Variants in STAM observed in about 807,000 individuals in gnomAD.
The protein encoded by STAM is signal transducing adaptor molecule, also known as signal transducing adapter molecule 1.
Under a neutral mutation model 63.4 loss-of-function variants are expected in STAM, and 16 were observed. The observed-to-expected ratio is 0.25, with a 90% confidence interval of 0.17 to 0.38. The LOEUF is 0.38. STAM is among the 10% of genes least tolerant of loss of function. STAM has a pLI of 1.00. For synonymous variants in STAM, 238 were observed against 223.9 expected, an observed-to-expected ratio of 1.06 and a Z score of -0.56; for missense variants, 636 against 657.1, an observed-to-expected ratio of 0.97 and a Z score of 0.35.
At chr10:17,673,227 C>T (rs1369854210) in intron 2 of STAM, 1 of 162,368 alleles carries the variant, frequency 6.2e-6, no homozygotes, top group African/African-American at 2.4e-5. Context: ...GTGCGTTTTC[C>T]CCCTCATGGC....
intron 12 of STAM, among the ~76,000 whole-genome samples, chr10:17,706,678 C>T (rs1471430685): frequency 3.9e-5 from 6 of 151,994 alleles, no homozygotes; most frequent in African/African-American, 7.2e-5. Flanking sequence ...CGCGCCCGGC[C>T]GAGGCCCATA....
At chr10:17,706,851 T>C (rs1476140169) in intron 12 of STAM, among the ~76,000 whole-genome samples, 1 of 152,092 alleles carries the variant, frequency 6.6e-6, no homozygotes, top group Non-Finnish European at 1.5e-5. Context: ...CTCTTAAATA[T>C]CTAATGAACT....
chr10:17,673,897 C>G (rs567282945), intron 2 of STAM, among the ~76,000 whole-genome samples: 9 of 152,148 alleles, frequency 5.9e-5, no homozygotes, highest in Non-Finnish European at 1.2e-4. Context: ...ACATTCCAGG[C>G]ACAGCTTGAT....
chr10:17,682,079 A>G (rs1409129017), intron 2 of STAM, among the ~76,000 whole-genome samples: 1 of 152,178 alleles, frequency 6.6e-6, no homozygotes, highest in Non-Finnish European at 1.5e-5. Context: ...TGATAGTTTG[A>G]TGAGTTTTGA....
chr10:17,650,836 T>C (rs1300739596), intron 1 of STAM, among the ~76,000 whole-genome samples: 1 of 151,724 alleles, frequency 6.6e-6, no homozygotes, highest in Non-Finnish European at 1.5e-5. Context: ...GAGGCCGAGG[T>C]GGGCGGATTA....
At position 17,658,122 on chromosome 10, in the gene STAM, T is replaced by G. The variant is rs1834014923; in HGVS notation, c.41-2342T>G. Among the ~76,000 whole-genome samples, 3 of 152,214 alleles carry G rather than the reference T, an allele frequency of 2.0e-5. No individual in the cohort carries two copies. In the South Asian group the frequency reaches 6.2e-4, roughly 31 times the overall value. On this transcript the variant is annotated intron_variant, in intron 1 of 13. Transcript: ENST00000377524. ...ATGCTATAAATTTCCCTCTAACCAC[T>G]GCTTTTGTTGCATCCCACAAATTTT... is the stretch of plus-strand genomic sequence containing the variant.
intron 6 of STAM, among the ~76,000 whole-genome samples, chr10:17,694,430 G>T (rs181567752): frequency 1.3e-5 from 2 of 152,140 alleles, no homozygotes; most frequent in East Asian, 1.9e-4. Flanking sequence ...GAGCAGAAAG[G>T]GTTCTGTGTT....
At chr10:17,675,543 G>C (rs1554824561) in intron 2 of STAM, among the ~76,000 whole-genome samples, 2 of 151,690 alleles carry the variant, frequency 1.3e-5, no homozygotes, top group African/African-American at 4.8e-5. Flanking sequence ...TGAAATTGAT[G>C]GTTTTAAACA....
At chr10:17,658,197 G>T (rs1266725520) in intron 1 of STAM, among the ~76,000 whole-genome samples, 5 of 148,938 alleles carry the variant, frequency 3.4e-5, no homozygotes, top group Admixed American at 3.3e-4. Flanking sequence ...TTTCTTTTAA[G>T]TTTTTTTTTT....
At chr10:17,686,474 T>G in intron 4 of STAM, among the ~76,000 whole-genome samples, 1 of 151,832 alleles carries the variant, frequency 6.6e-6, no homozygotes, top group East Asian at 1.9e-4. Context: ...CCTCCCGGGT[T>G]CAAGTGATTC....
chr10:17,677,714 AAT>A (rs1834912041), intron 2 of STAM, among the ~76,000 whole-genome samples: 2 of 152,212 alleles, frequency 1.3e-5, no homozygotes, highest in Non-Finnish European at 2.9e-5. Context: ...CTTGGCACAT[AAT>A]AGACATTCAG....
rs115217338 is a variant in STAM at position 17,669,340 on chromosome 10, G to T, written c.125+8792G>T. Among the ~76,000 whole-genome samples, 787 of 149,314 alleles carry T rather than the reference G, an allele frequency of 5.3e-3. 13 individuals are homozygous for T. Among genetic ancestry groups the T allele is most frequent in the African/African-American group, 0.019 (762 of 40,886 alleles). ...ATTAATATGTTTTGACATTTGGTAG[G>T]ATATGGTCTTGAGGTTTTTTTTTTT... On this transcript the variant is annotated intron_variant, in intron 2 of 13. Coordinates refer to ENST00000377524, the MANE Select transcript of STAM (RefSeq NM_003473.4).
chr10:17,708,392 T>C (rs1836394995), intron 12 of STAM, among the ~76,000 whole-genome samples: 1 of 152,226 alleles, frequency 6.6e-6, no homozygotes, highest in African/African-American at 2.4e-5. Flanking sequence ...CTTGTATCCA[T>C]TGCAGTCTAT....
chr10:17,668,696 T>C (rs563753545), intron 2 of STAM, among the ~76,000 whole-genome samples: 1 of 152,332 alleles, frequency 6.6e-6, no homozygotes, highest in African/African-American at 2.4e-5. Flanking sequence ...CCAAATGTTG[T>C]GTAATTGGGA....
At chr10:17,650,179 T>C (rs533771597) in intron 1 of STAM, among the ~76,000 whole-genome samples, 20 of 152,346 alleles carry the variant, frequency 1.3e-4, no homozygotes, top group South Asian at 6.2e-4. Context: ...AAGTGTGATA[T>C]GATAGAAAGA....
rs1349408343 is a variant in STAM at position 17,715,478 on chromosome 10, A to T, written c.*698A>T. 2 of 151,954 alleles carry T rather than the reference A, an allele frequency of 1.3e-5. No individual in the cohort carries two copies. Among genetic ancestry groups the T allele is most frequent in the Non-Finnish European group, 2.9e-5 (2 of 67,918 alleles). The allele number at this position is 151,954 out of a possible 1,614,324, so 9.4% of individuals were successfully genotyped here. On this transcript the variant is annotated 3_prime_UTR_variant, in exon 14 of 14. Coordinates refer to ENST00000377524, the MANE Select transcript of STAM (RefSeq NM_003473.4). ...ACTGGCTGTCATCACACCAGCGTAC[A>T]GTAGCTAAATTTTTGGTGCAATTAT...
chr10:17,701,650 C>A (rs1836002491), intron 9 of STAM, among the ~76,000 whole-genome samples: 1 of 152,192 alleles, frequency 6.6e-6, no homozygotes, highest in African/African-American at 2.4e-5. Context: ...CTTTTCCGAT[C>A]CTCAGTTACC....
intron 2 of STAM, among the ~76,000 whole-genome samples, chr10:17,680,505 A>G (rs1220249017): frequency 1.3e-5 from 2 of 151,372 alleles, no homozygotes; most frequent in Non-Finnish European, 2.9e-5. Flanking sequence ...TCACTGCAGC[A>G]AGTGATCCTT....
chr10:17,708,962 T>C lies in STAM; in HGVS notation c.1385+11T>C, dbSNP rs367634267. ...GGCCGCTTACCCAAAGTAATTTTACTGTTGATTCTTGTTTGGAGTTAGTGC... is the reference window on the plus strand; with the variant it reads ...GGCCGCTTACCCAAAGTAATTTTACCGTTGATTCTTGTTTGGAGTTAGTGC... On this transcript the variant is annotated intron_variant, in intron 13 of 13. Transcript: ENST00000377524. 5.6e-6 allele frequency: 9 copies of C among 1,611,736 alleles called. No individual in the cohort carries two copies. The highest frequency in any genetic ancestry group is 2.7e-5 in the African/African-American group (2 of 74,906).
Sources: gnomAD v4.1 joint callset for allele counts (sites outside exome capture counted in the v4.1 genomes callset) on GRCh38, gnomAD v4.1.1 for gene constraint, MANE v1.5 for transcripts, NCBI Gene and HGNC (gene_info 2026-07-23, HGNC 2026-07-21) for gene names.